The following ABHD17B variants were observed in gnomAD, a reference collection of about 807,000 sequenced individuals.
The protein encoded by ABHD17B is alpha/beta hydrolase domain-containing protein 17B.
ABHD17B carries 9 observed loss-of-function variants against 26.2 expected under a neutral mutation model. The ratio of observed to expected loss-of-function variants is 0.34; its 90% CI spans 0.21 to 0.60. The LOEUF is 0.60. ABHD17B is among the 20% of genes least tolerant of loss of function. The pLI is 0.80. For missense variants in ABHD17B, 224 were observed against 352.1 expected, an observed-to-expected ratio of 0.64 and a Z score of 2.91; for synonymous variants, 127 against 122.3, an observed-to-expected ratio of 1.04 and a Z score of -0.25.
intron 1 of ABHD17B, among the ~76,000 whole-genome samples, chr9:71,887,821 G>C (rs1479022876): frequency 6.6e-6 from 1 of 152,172 alleles, no homozygotes; most frequent in African/African-American, 2.4e-5. Context: ...AGAACTAAGT[G>C]AGATTGCCTA....
intron 1 of ABHD17B, among the ~76,000 whole-genome samples, chr9:71,883,322 T>C (rs1394939661): frequency 2.6e-5 from 4 of 152,116 alleles, no homozygotes; most frequent in African/African-American, 9.7e-5. Flanking sequence ...CTGCACAAAG[T>C]CCAAGTAATA....
chr9:71,877,941 T>C (rs1403930067), intron 1 of ABHD17B, among the ~76,000 whole-genome samples: 1 of 152,184 alleles, frequency 6.6e-6, no homozygotes, highest in African/African-American at 2.4e-5. Context: ...CTGGGGCTTA[T>C]TTAATGACAA....
chr9:71,866,765 A>C lies in ABHD17B; in HGVS notation c.*22T>G. On this transcript the variant is annotated 3_prime_UTR_variant, in exon 4 of 4. Coordinates refer to ENST00000333421, the MANE Select transcript of ABHD17B (RefSeq NM_001025780.3). ...GCAGTTCAGCAAGAAAGGAAAACCC[A>C]GTAGCAAATTTACAGAATATTTTAC... The C allele has an allele frequency of 1.9e-6, 3 of 1,612,954 alleles. No individual in the cohort carries two copies. The highest frequency in any genetic ancestry group is 2.5e-6 in the Non-Finnish European group (3 of 1,179,368).
chr9:71,885,460 C>CT (rs1826579623), intron 1 of ABHD17B, among the ~76,000 whole-genome samples: 1 of 124,006 alleles, frequency 8.1e-6, no homozygotes, highest in South Asian at 2.7e-4. Flanking sequence ...ACTCTGTCTC[C>CT]AAAAAAAAAA....
At chr9:71,878,926 T>A (rs1826359262) in intron 1 of ABHD17B, among the ~76,000 whole-genome samples, 1 of 152,068 alleles carries the variant, frequency 6.6e-6, no homozygotes, top group African/African-American at 2.4e-5. Context: ...GAGGCCGAGG[T>A]AGGAGGATTG....
At chr9:71,887,224 T>C (rs1826637025) in intron 1 of ABHD17B, among the ~76,000 whole-genome samples, 1 of 151,974 alleles carries the variant, frequency 6.6e-6, no homozygotes, top group African/African-American at 2.4e-5. Flanking sequence ...GAGGTGAAGA[T>C]AGGAGGCATC....
chr9:71,891,932 C>T (rs763899472), intron 1 of ABHD17B, among the ~76,000 whole-genome samples: 1 of 152,108 alleles, frequency 6.6e-6, no homozygotes, highest in East Asian at 1.9e-4. Context: ...GCCAACGAAG[C>T]CTTTGGACAG....
At position 71,907,460 on chromosome 9, in the gene ABHD17B, A is replaced by G. The variant is rs1166888182; in HGVS notation, c.-4+3174T>C. The stretch of plus-strand genomic sequence containing the variant: ...GGGTCACTGGTTAGATATCGGGGGG[A>G]AAAGGGAACAGCATTTAAGAGAGGT... On this transcript the variant is annotated intron_variant, in intron 1 of 3. Coordinates refer to ENST00000333421, the MANE Select transcript of ABHD17B (RefSeq NM_001025780.3). 2.6e-5 allele frequency among the ~76,000 whole-genome samples: 4 copies of G among 151,900 alleles called. No homozygotes were observed. The East Asian group carries it at 5.8e-4, about 22-fold the overall frequency.
chr9:71,875,770 A>G (rs1010318643), intron 1 of ABHD17B, among the ~76,000 whole-genome samples: 7 of 152,262 alleles, frequency 4.6e-5, no homozygotes, highest in African/African-American at 1.7e-4. Flanking sequence ...AACCTCATGG[A>G]GAAGCTAGGA....
chr9:71,897,955 C>T (rs1407608729), intron 1 of ABHD17B, among the ~76,000 whole-genome samples: 1 of 152,158 alleles, frequency 6.6e-6, no homozygotes, highest in Non-Finnish European at 1.5e-5. Context: ...TACATTTCAC[C>T]ACCTTCTTCA....
chr9:71,878,066 T>C (rs1826330221), intron 1 of ABHD17B, among the ~76,000 whole-genome samples: 1 of 151,102 alleles, frequency 6.6e-6, no homozygotes, highest in Non-Finnish European at 1.5e-5. Flanking sequence ...ACAAAAACTA[T>C]AAACAAAACA....
At chr9:71,870,770 T>A (rs1038191250) in intron 2 of ABHD17B, among the ~76,000 whole-genome samples, 12 of 152,198 alleles carry the variant, frequency 7.9e-5, no homozygotes, top group African/African-American at 1.2e-4. Context: ...ATGGTTTTAG[T>A]AAAGGGCAAA....
At position 71,887,093 on chromosome 9, in the gene ABHD17B, T is replaced by C. The variant is rs7871375; in HGVS notation, c.-3-12010A>G. Among the ~76,000 whole-genome samples, 1,390 of 152,148 alleles carry C rather than the reference T, an allele frequency of 9.1e-3. 21 individuals are homozygous for C. Among genetic ancestry groups the C allele is most frequent in the African/African-American group, 0.031 (1,287 of 41,512 alleles). ...TAAACTGAACAAACGCCTTAATAAT[T>C]TGAGTTTAGAAAAATTTAGAGGAGT... On this transcript the variant is annotated intron_variant, in intron 1 of 3. Coordinates refer to ENST00000333421, the MANE Select transcript of ABHD17B (RefSeq NM_001025780.3).
Position 71,866,391 on chromosome 9 carries a change from T to C in ABHD17B, c.*396A>G. On this transcript the variant is annotated 3_prime_UTR_variant, in exon 4 of 4. Coordinates refer to ENST00000333421, the MANE Select transcript of ABHD17B (RefSeq NM_001025780.3). Reference sequence around the variant, plus strand: ...AAATTGCTTTAGATACATAGCTTTTTTCAAAATATTACAGTTGTATTCCAG... The same window carrying C: ...AAATTGCTTTAGATACATAGCTTTTCTCAAAATATTACAGTTGTATTCCAG... 1 of 983,632 alleles carries C rather than the reference T, an allele frequency of 1.0e-6. No homozygotes were observed. The highest frequency in any genetic ancestry group is 1.2e-6 in the Non-Finnish European group (1 of 820,834). The allele number at this position is 983,632 out of a possible 1,614,324, so 60.9% of individuals were successfully genotyped here.
rs1826161065 is a variant in ABHD17B at position 71,873,152 on chromosome 9, T to A, written c.467+1462A>T. Among the ~76,000 whole-genome samples, 3 of 152,032 alleles carry A rather than the reference T, an allele frequency of 2.0e-5. No homozygotes were observed. The South Asian group carries it at 6.2e-4, about 32-fold the overall frequency. On this transcript the variant is annotated intron_variant, in intron 2 of 3. Transcript: ENST00000333421. ...GCTTCAGTCTAAAACATCCTGGAAG[T>A]CAGATATTTTATTTTCATATAATAT...
chr9:71,862,698 TCTTAAGA>T (rs386734928), downstream of ABHD17B: 15 of 539,836 alleles, frequency 2.8e-5, no homozygotes, highest in African/African-American at 4.3e-4. Flanking sequence ...GAAAAATCAC[TCTTAAGA>T]TTTTGTCATG....
chr9:71,891,416 T>G (rs998933897), intron 1 of ABHD17B, among the ~76,000 whole-genome samples: 1 of 152,206 alleles, frequency 6.6e-6, no homozygotes, highest in Non-Finnish European at 1.5e-5. Flanking sequence ...ATCTTCTCTG[T>G]TCCATGTGGA....
At chr9:71,874,578 C>T in intron 2 of ABHD17B, 36 bp downstream of exon 2, 1 of 1,498,682 alleles carries the variant, frequency 6.7e-7, no homozygotes. Context: ...AGCTAACCAC[C>T]ACGAGTATGA....
At position 71,870,230 on chromosome 9, in the gene ABHD17B, T is replaced by C. The variant is rs1193499434; in HGVS notation, c.500A>G (p.Tyr167Cys). ...YGIRPENVII[Y>C]GQSIGTVPSV... ...CGGTACTGTCCCTATACTTTGGCCA[T>C]ATATAATCACATTTTCAGGGCGAAT... Residue 167 changes from tyrosine to cysteine, a missense_variant, in exon 3 of 4, where the codon TAT (tyrosine) becomes TGT (cysteine). Tyr to Cys is a radical substitution (Grantham distance 194, BLOSUM62 -2). Coordinates refer to ENST00000333421, the MANE Select transcript of ABHD17B (RefSeq NM_001025780.3). The C allele has an allele frequency of 6.2e-7, 1 of 1,601,218 alleles. No individual in the cohort carries two copies. Among genetic ancestry groups the C allele is most frequent in the Non-Finnish European group, 8.5e-7 (1 of 1,175,928 alleles).
Sources: gnomAD v4.1 joint callset for allele counts (sites outside exome capture counted in the v4.1 genomes callset) on GRCh38, gnomAD v4.1.1 for gene constraint, MANE v1.5 for transcripts, NCBI Gene and HGNC (gene_info 2026-07-23, HGNC 2026-07-21) for gene names.